Variants in WDFY4 observed in about 807,000 individuals in gnomAD.
WDFY4 encodes WDFY family member 4.
A neutral mutation model predicts 351.9 loss-of-function variants in WDFY4; 169 were observed. That is an observed-to-expected ratio of 0.48 (90% confidence interval 0.42 to 0.55). The LOEUF (loss-of-function observed/expected upper bound fraction) is 0.55. WDFY4 is among the 20% of genes least tolerant of loss of function. The pLI is 0.00. For synonymous variants in WDFY4, 1,622 were observed against 1,574.6 expected (o/e 1.03, Z -0.71); for missense variants, 3,803 against 3,935.6 (o/e 0.97, Z 0.90).
chr10:48,811,023 G>T (rs894724105), intron 29 of WDFY4, among the ~76,000 whole-genome samples: 1 of 152,184 alleles, frequency 6.6e-6, no homozygotes, highest in African/African-American at 2.4e-5. Context: ...TTCCTGAGGG[G>T]ATGCCTCTTC....
At chr10:48,735,130 T>C (rs2064613203) in intron 10 of WDFY4, among the ~76,000 whole-genome samples, 1 of 152,094 alleles carries the variant, frequency 6.6e-6, no homozygotes, top group Non-Finnish European at 1.5e-5. Flanking sequence ...GTGATTTCCA[T>C]GTCAGAGGTA....
At chr10:48,911,310 T>C (rs1386187072) in intron 47 of WDFY4, among the ~76,000 whole-genome samples, 2 of 152,226 alleles carry the variant, frequency 1.3e-5, no homozygotes, top group Non-Finnish European at 2.9e-5. Context: ...AAATGGGTTC[T>C]CTACTACGTT....
At chr10:48,897,797 C>T (rs997952310) in intron 45 of WDFY4, among the ~76,000 whole-genome samples, 5 of 152,262 alleles carry the variant, frequency 3.3e-5, no homozygotes, top group African/African-American at 1.2e-4. Context: ...TTGCCGTTGG[C>T]TGTTGGGCCT....
At chr10:48,777,392 T>C (rs2132636591) in intron 16 of WDFY4, 27 bp from the exon 17 acceptor site, 3 of 1,548,646 alleles carry the variant, frequency 1.9e-6, no homozygotes, top group Non-Finnish European at 2.6e-6. Flanking sequence ...TGCAGTCCAA[T>C]GATCTGAGAC....
intron 14 of WDFY4, among the ~76,000 whole-genome samples, chr10:48,775,065 T>G (rs1403985022): frequency 6.6e-6 from 1 of 152,146 alleles, no homozygotes; most frequent in East Asian, 1.9e-4. Flanking sequence ...ACTGCAGACA[T>G]GGAGGAGGAT....
chr10:48,871,002 C>T (rs971405736), intron 40 of WDFY4, among the ~76,000 whole-genome samples: 25 of 151,916 alleles, frequency 1.6e-4, no homozygotes, highest in Admixed American at 1.6e-3. Context: ...GGCGCTATCT[C>T]GGCTCACTGC....
chr10:48,955,449 C>T (rs1841540173), intron 51 of WDFY4, among the ~76,000 whole-genome samples: 1 of 152,194 alleles, frequency 6.6e-6, no homozygotes, highest in African/African-American at 2.4e-5. Context: ...GTAGGTTCCC[C>T]CCTCTCAGAA....
intron 47 of WDFY4, among the ~76,000 whole-genome samples, chr10:48,914,891 G>T (rs543019847): frequency 6.6e-6 from 1 of 152,190 alleles, no homozygotes; most frequent in African/African-American, 2.4e-5. Context: ...TGCGGGCAAA[G>T]CTCATGGAGA....
intron 35 of WDFY4, among the ~76,000 whole-genome samples, chr10:48,826,144 G>A (rs2067992450): frequency 6.6e-6 from 1 of 152,160 alleles, no homozygotes; most frequent in Admixed American, 6.5e-5. Flanking sequence ...AAGGTATAAC[G>A]AAGGGGTCCA....
intron 37 of WDFY4, among the ~76,000 whole-genome samples, 173 bp downstream of exon 37, chr10:48,829,069 T>A (rs1017664985): frequency 1.3e-5 from 2 of 152,106 alleles, no homozygotes; most frequent in African/African-American, 4.8e-5. Flanking sequence ...AATCCTAGGG[T>A]AATCATGTAT....
At position 48,943,326 on chromosome 10, in the gene WDFY4, G is replaced by A. The variant is rs1310942555; in HGVS notation, c.7630-4G>A. 6.4e-7 allele frequency: 1 copy of A among 1,551,456 alleles called. No homozygotes were observed. Among genetic ancestry groups the A allele is most frequent in the Admixed American group, 2.0e-5 (1 of 50,988 alleles). On this transcript the variant is annotated splice_polypyrimidine_tract_variant and splice_region_variant and intron_variant, in intron 48 of 61. Transcript: ENST00000325239. ...GTTTATCCCCTTTCTGTCTCTTCTGGTAGAAAAGGGACATCAGCAATTTTG... is the reference window on the plus strand; with the variant it reads ...GTTTATCCCCTTTCTGTCTCTTCTGATAGAAAAGGGACATCAGCAATTTTG...
At chr10:48,945,472 T>TGAAAA (rs1404928316) in intron 49 of WDFY4, among the ~76,000 whole-genome samples, 1 of 152,150 alleles carries the variant, frequency 6.6e-6, no homozygotes, top group African/African-American at 2.4e-5. Flanking sequence ...ATACAGAACC[T>TGAAAA]GAAAAGAAAA....
rs151233623 is a variant in WDFY4 at position 48,911,124 on chromosome 10, T to C, written c.7586+9261T>C. 1.8e-3 allele frequency among the ~76,000 whole-genome samples: 272 copies of C among 152,334 alleles called. 1 individual carries two copies. Among genetic ancestry groups the C allele is most frequent in the South Asian group, 1.9e-3 (9 of 4,828 alleles). Reference sequence around the variant, plus strand: ...GCAGATTGGCTCCCTTATGGATATGTCCAAGACCTGGCAGGCTAGCGGTGG... The same window carrying C: ...GCAGATTGGCTCCCTTATGGATATGCCCAAGACCTGGCAGGCTAGCGGTGG... On this transcript the variant is annotated intron_variant, in intron 47 of 61. Transcript: ENST00000325239.
chr10:48,909,400 T>C (rs1837805674), intron 47 of WDFY4: 1 of 152,262 alleles, frequency 6.6e-6, no homozygotes, highest in South Asian at 2.1e-4. Flanking sequence ...TATTTTTCTA[T>C]ATAACTTTTT....
At chr10:48,777,264 A>G (rs896577812) in intron 16 of WDFY4, among the ~76,000 whole-genome samples, 155 bp from the exon 17 acceptor site, 2 of 152,132 alleles carry the variant, frequency 1.3e-5, no homozygotes, top group Non-Finnish European at 1.5e-5. Context: ...TCCTACCAGC[A>G]CCAGCTGCAG....
At chr10:48,820,570 T>C (rs1033909484) in intron 33 of WDFY4, 133 bp downstream of exon 33, 43 of 1,010,238 alleles carry the variant, frequency 4.3e-5, no homozygotes, top group Non-Finnish European at 5.9e-5. Context: ...CTGTGAACCA[T>C]GGGCCCCAAA....
At chr10:48,903,108 T>TA (rs968807211) in intron 47 of WDFY4, among the ~76,000 whole-genome samples, 19 of 150,584 alleles carry the variant, frequency 1.3e-4, no homozygotes, top group East Asian at 9.7e-4. Context: ...AGACTCTGTC[T>TA]AAAAAAAAAG....
Position 48,743,312 on chromosome 10 carries a change from A to G in WDFY4, c.2223A>G (p.Pro741=). Residue 741 remains proline, a synonymous_variant, in exon 12 of 62, where the codon CCA becomes CCG. Coordinates refer to ENST00000325239, the MANE Select transcript of WDFY4 (RefSeq NM_001394531.1). The stretch of plus-strand genomic sequence containing the variant: ...CTTGGGTGGACACAAAGGCCAGGCC[A>G]TTTGCAGATTTGCTGGGCACTGCCT... The part of the protein sequence containing the change: ...LRSWVDTKAR[P]FADLLGTAFS... 6.4e-7 allele frequency: 1 copy of G among 1,551,580 alleles called. No homozygotes were observed. Among genetic ancestry groups the G allele is most frequent in the African/African-American group, 1.4e-5 (1 of 73,132 alleles).
intron 31 of WDFY4, among the ~76,000 whole-genome samples, chr10:48,816,646 G>A (rs1476199830): frequency 6.6e-6 from 1 of 152,134 alleles, no homozygotes; most frequent in Admixed American, 6.5e-5. Context: ...ATCAATTAAT[G>A]TTATTCAAAA....
Sources: allele counts gnomAD v4.1 joint callset (sites outside exome capture counted in the v4.1 genomes callset), GRCh38; gene constraint gnomAD v4.1.1; transcripts MANE v1.5; gene names NCBI Gene and HGNC (gene_info 2026-07-23, HGNC 2026-07-21).